Variants in RIMS2 observed in about 807,000 individuals in gnomAD.
The protein encoded by RIMS2 is regulating synaptic membrane exocytosis 2, also known as regulating synaptic membrane exocytosis protein 2.
A neutral mutation model predicts 174.4 loss-of-function variants in RIMS2; 59 were observed. The observed-to-expected ratio is 0.34, with a 90% confidence interval of 0.27 to 0.42. The LOEUF (loss-of-function observed/expected upper bound fraction) is 0.42, where lower values mean the gene tolerates loss of function less well. Among genes scored for constraint, RIMS2 ranks in the 10% least tolerant of loss-of-function variants. The pLI, the probability that RIMS2 is intolerant of heterozygous loss-of-function variation, is 1.00. For synonymous variants in RIMS2, 606 were observed against 572.5 expected, an observed-to-expected ratio of 1.06 and a Z score of -0.84; for missense variants, 1,620 against 1,666.3, an observed-to-expected ratio of 0.97 and a Z score of 0.48.
chr8:104,066,662 G>A (rs2097110937), intron 19 of RIMS2, among the ~76,000 whole-genome samples: 2 of 152,022 alleles, frequency 1.3e-5, no homozygotes, highest in South Asian at 4.1e-4. Flanking sequence ...TTTACATCAT[G>A]GAGGCACTCA....
chr8:103,644,496 A>G (rs2096287871), intron 1 of RIMS2, among the ~76,000 whole-genome samples: 1 of 152,102 alleles, frequency 6.6e-6, no homozygotes, highest in Admixed American at 6.6e-5. Context: ...ACTGTTAATA[A>G]TGTTAGCATA....
At chr8:103,757,014 A>T (rs200320396) in intron 2 of RIMS2, among the ~76,000 whole-genome samples, 2,774 of 99,198 alleles carry the variant, frequency 0.028, 33 homozygotes, top group East Asian at 0.089. Flanking sequence ...TGTGTGTGAG[A>T]GAGAGAGAGA....
intron 1 of RIMS2, among the ~76,000 whole-genome samples, chr8:103,654,053 C>T (rs1049697990): frequency 3.3e-5 from 5 of 151,978 alleles, no homozygotes; most frequent in African/African-American, 1.2e-4. Context: ...TAAAATGCCA[C>T]ACAATGTCAT....
intron 19 of RIMS2, among the ~76,000 whole-genome samples, chr8:104,133,081 T>A (rs2098485778): frequency 6.6e-6 from 1 of 152,336 alleles, no homozygotes; most frequent in East Asian, 1.9e-4. Flanking sequence ...AGTTCTAGTG[T>A]CAGACTGCTG....
intron 1 of RIMS2, among the ~76,000 whole-genome samples, chr8:103,592,649 T>G: frequency 6.6e-6 from 1 of 151,552 alleles, no homozygotes; most frequent in Middle Eastern, 3.4e-3. Context: ...ATTTTCATAA[T>G]CATACTAAGG....
At chr8:104,064,934 A>G (rs1277731720) in intron 19 of RIMS2, among the ~76,000 whole-genome samples, 1 of 152,102 alleles carries the variant, frequency 6.6e-6, no homozygotes, top group Non-Finnish European at 1.5e-5. Flanking sequence ...TTATAAAACC[A>G]TATCAAACCA....
intron 3 of RIMS2, among the ~76,000 whole-genome samples, chr8:103,853,297 TGCA>T (rs2099009535): frequency 6.6e-6 from 1 of 152,018 alleles, no homozygotes; most frequent in African/African-American, 2.4e-5. Flanking sequence ...TTGTTTCTGA[TGCA>T]TAGTTTGTGA....
intron 1 of RIMS2, among the ~76,000 whole-genome samples, chr8:103,611,657 T>C (rs951032919): frequency 2.0e-5 from 3 of 151,668 alleles, no homozygotes; most frequent in Admixed American, 6.6e-5. Context: ...TGGAGCTACA[T>C]TGTATGTTAT....
In RIMS2 at chr8:104,155,456, C is replaced by T. The variant is rs376525127; in HGVS notation, c.3335-89460C>T. ...TGAGACAGAGTCTTGCTCTGTCGCC[C>T]AGGCTGGAGTACAGTGGCGCGATCT... On this transcript the variant is annotated intron_variant, in intron 19 of 23. Coordinates refer to ENST00000504942, the Ensembl canonical transcript of RIMS2. 3.4e-3 allele frequency among the ~76,000 whole-genome samples: 449 copies of T among 133,920 alleles called. 4 individuals carry two copies. The highest frequency in any genetic ancestry group is 0.012 in the African/African-American group (425 of 35,070). The allele number at this position is 133,920 out of a possible 152,430, so 87.9% of individuals were successfully genotyped here.
At chr8:103,830,735 G>A (rs769071673) in intron 3 of RIMS2, among the ~76,000 whole-genome samples, 11 of 152,156 alleles carry the variant, frequency 7.2e-5, no homozygotes, top group Non-Finnish European at 1.5e-4. Context: ...AGAATTTATT[G>A]TCTTTTTAAT....
At chr8:103,611,604 GC>G (rs1292337174) in intron 1 of RIMS2, among the ~76,000 whole-genome samples, 2 of 151,192 alleles carry the variant, frequency 1.3e-5, no homozygotes, top group East Asian at 3.9e-4. Context: ...AATATGTCAT[GC>G]CACTCTCTCC....
intron 1 of RIMS2, among the ~76,000 whole-genome samples, chr8:103,695,856 C>T (rs1437085215): frequency 1.3e-5 from 2 of 151,714 alleles, no homozygotes; most frequent in Non-Finnish European, 2.9e-5. Flanking sequence ...TGTGTATTTT[C>T]TTTGGCCACT....
intron 10 of RIMS2, 73 bp downstream of exon 13, chr8:103,921,857 T>C: frequency 1.6e-6 from 1 of 639,950 alleles, no homozygotes; most frequent in Non-Finnish European, 2.8e-6. Context: ...GCTTGTTTTT[T>C]ACAAACCAAG....
At chr8:104,246,506 T>G (rs775161463) in intron 20 of RIMS2, among the ~76,000 whole-genome samples, 6 of 152,052 alleles carry the variant, frequency 3.9e-5, no homozygotes, top group Non-Finnish European at 7.4e-5. Flanking sequence ...TACACTCTCA[T>G]AGAGAAGACA....
In RIMS2 at chr8:103,962,150, A is replaced by G. The variant is rs1274089046; in HGVS notation, c.2770+1017A>G. Reference sequence around the variant, plus strand: ...TAGTCCATTAGGTTTTCTTCTTCCAAATTCTTTCCATTCAGATCGTTCATC... The same window carrying G: ...TAGTCCATTAGGTTTTCTTCTTCCAGATTCTTTCCATTCAGATCGTTCATC... On this transcript the variant is annotated intron_variant, in intron 15 of 23. Transcript: ENST00000504942. Among the ~76,000 whole-genome samples, 8 of 151,962 alleles carry G rather than the reference A, an allele frequency of 5.3e-5. No homozygotes were observed. The South Asian group carries it at 1.7e-3, about 32-fold the overall frequency.
At position 103,570,086 on chromosome 8, in the gene RIMS2, G is replaced by A. The variant is rs916218557; in HGVS notation, c.176+69024G>A. 4.6e-5 allele frequency among the ~76,000 whole-genome samples: 7 copies of A among 152,074 alleles called. No individual in the cohort carries two copies. The South Asian group carries it at 6.2e-4, about 13-fold the overall frequency. On this transcript the variant is annotated intron_variant, in intron 1 of 23. Transcript: ENST00000504942. The stretch of plus-strand genomic sequence containing the variant: ...TCTTAAGACTTTTGTCAAATATCAC[G>A]TGTTCCAGGAAGTTTTTACACATCC...
intron 19 of RIMS2, among the ~76,000 whole-genome samples, chr8:104,195,127 C>T (rs1018170188): frequency 1.8e-4 from 27 of 151,948 alleles, no homozygotes; most frequent in East Asian, 9.6e-4. Context: ...GAAGGTGGAA[C>T]GACAGAATGG....
intron 3 of RIMS2, among the ~76,000 whole-genome samples, chr8:103,787,180 G>A (rs1361827253): frequency 2.2e-4 from 32 of 148,030 alleles, no homozygotes; most frequent in Non-Finnish European, 2.2e-4. Flanking sequence ...CACATGAGAT[G>A]GGTTTCCTGA....
chr8:103,986,679 T>C (rs2094383831), intron 16 of RIMS2, among the ~76,000 whole-genome samples: 1 of 151,996 alleles, frequency 6.6e-6, no homozygotes, highest in Non-Finnish European at 1.5e-5. Context: ...ATGACCAGCC[T>C]GGCCAACCTG....
Sources: gnomAD v4.1 joint callset for allele counts (sites outside exome capture counted in the v4.1 genomes callset) on GRCh38, gnomAD v4.1.1 for gene constraint, MANE v1.5 for transcripts, NCBI Gene and HGNC (gene_info 2026-07-23, HGNC 2026-07-21) for gene names.